CAMKMT: variants seen among roughly 807,000 people sequenced by gnomAD.
CAMKMT encodes the protein calmodulin-lysine N-methyltransferase, also known as CaM KMT.
Under a neutral mutation model 48.0 loss-of-function variants are expected in CAMKMT, and 53 were observed. The observed-to-expected ratio is 1.10, with a 90% CI of 0.89 to 1.39. CAMKMT has a LOEUF of 1.39. Among genes scored for constraint, CAMKMT ranks in the 40% most tolerant of loss-of-function variants. The probability of loss-of-function intolerance (pLI) is 0.00; values close to 1 mark genes in which losing one functional copy is unlikely to be tolerated. For missense variants in CAMKMT, 428 were observed against 402.7 expected, an observed-to-expected ratio of 1.06 and a Z score of -0.54; for synonymous variants, 165 against 152.3, an observed-to-expected ratio of 1.08 and a Z score of -0.61.
At chr2:44,673,955 T>C (rs1675515428) in intron 3 of CAMKMT, among the ~76,000 whole-genome samples, 1 of 152,056 alleles carries the variant, frequency 6.6e-6, no homozygotes, top group South Asian at 2.1e-4. Context: ...CAGTAACTGC[T>C]CTTCATAGCA....
intron 9 of CAMKMT, among the ~76,000 whole-genome samples, chr2:44,757,087 T>C (rs922414307): frequency 1.3e-5 from 2 of 152,242 alleles, no homozygotes; most frequent in Admixed American, 1.3e-4. Flanking sequence ...TATGTATAAA[T>C]CCTTGATCTG....
rs1264730453 is a variant in CAMKMT at position 44,612,649 on chromosome 2, A to C, written c.377-91634A>C. Reference sequence around the variant, plus strand: ...AAGGTCCATGAATAGAAAATGGCTTACTTGCATTTGGACCAGCCCACCAAA... The same window carrying C: ...AAGGTCCATGAATAGAAAATGGCTTCCTTGCATTTGGACCAGCCCACCAAA... On this transcript the variant is annotated intron_variant, in intron 3 of 10. Transcript: ENST00000378494. Among the ~76,000 whole-genome samples, 4 of 152,196 alleles carry C rather than the reference A, an allele frequency of 2.6e-5. No homozygotes were observed. The East Asian group carries it at 5.8e-4, about 22-fold the overall frequency.
intron 3 of CAMKMT, among the ~76,000 whole-genome samples, chr2:44,621,308 T>G (rs548559111): frequency 1.1e-4 from 16 of 148,710 alleles, no homozygotes; most frequent in Admixed American, 2.7e-4. Context: ...ACAACCCATG[T>G]AACAGTTGTT....
At chr2:44,372,664 A>T in intron 1 of CAMKMT, 52 bp from the exon 2 acceptor site, 5 of 1,540,188 alleles carry the variant, frequency 3.2e-6, no homozygotes, top group Non-Finnish European at 3.5e-6. Flanking sequence ...TGAACACTAA[A>T]CTTACTATAT....
chr2:44,511,020 T>C (rs1300351936), intron 3 of CAMKMT, among the ~76,000 whole-genome samples: 1 of 152,152 alleles, frequency 6.6e-6, no homozygotes, highest in African/African-American at 2.4e-5. Flanking sequence ...TTTGTATTTT[T>C]AGTAGAGACG....
At chr2:44,710,618 CT>C (rs141082048) in intron 6 of CAMKMT, among the ~76,000 whole-genome samples, 10 of 149,018 alleles carry the variant, frequency 6.7e-5, no homozygotes, top group Admixed American at 6.7e-5. Flanking sequence ...TGTTCCTTTT[CT>C]TTTTTTTTTG....
rs904085155 is a variant in CAMKMT at position 44,542,060 on chromosome 2, C to T, written c.376+151755C>T. 4.6e-4 allele frequency among the ~76,000 whole-genome samples: 67 copies of T among 144,606 alleles called. 1 individual carries two copies. Among genetic ancestry groups the T allele is most frequent in the African/African-American group, 1.6e-3 (62 of 39,022 alleles). The allele number at this position is 144,606 out of a possible 152,430, so 94.9% of individuals were successfully genotyped here. A position where few individuals can be genotyped will look rare whatever the true frequency, so the allele number is the denominator to read the frequency against. On this transcript the variant is annotated intron_variant, in intron 3 of 10. Coordinates refer to ENST00000378494, the MANE Select transcript of CAMKMT (RefSeq NM_024766.5). ...AGGAGAATCGCTTGAAACCGGGAGGCGGAGGTTGCGGTGAGCCGAGATCGT... is the reference window on the plus strand; with the variant it reads ...AGGAGAATCGCTTGAAACCGGGAGGTGGAGGTTGCGGTGAGCCGAGATCGT...
At chr2:44,581,730 G>T (rs560066854) in intron 3 of CAMKMT, among the ~76,000 whole-genome samples, 1 of 152,362 alleles carries the variant, frequency 6.6e-6, no homozygotes, top group South Asian at 2.1e-4. Context: ...GCCGGGCGTG[G>T]TGGCTCACGC....
chr2:44,768,362 T>TATATATATATATA (rs1491157479), intron 10 of CAMKMT, among the ~76,000 whole-genome samples: 177 of 74,230 alleles, frequency 2.4e-3, no homozygotes, highest in South Asian at 3.0e-3. Context: ...TATATATATA[T>TATATATATATATA]TTTTTTTTTT....
intron 3 of CAMKMT, among the ~76,000 whole-genome samples, chr2:44,611,585 C>T (rs1035071205): frequency 6.6e-6 from 1 of 152,070 alleles, no homozygotes; most frequent in African/African-American, 2.4e-5. Context: ...TTCTGGAACA[C>T]CCACAAAAGG....
chr2:44,635,763 G>A (rs1673095026), intron 3 of CAMKMT, among the ~76,000 whole-genome samples: 1 of 152,144 alleles, frequency 6.6e-6, no homozygotes, highest in South Asian at 2.1e-4. Flanking sequence ...CCTTAGAAGA[G>A]GTTAGCAATC....
intron 3 of CAMKMT, among the ~76,000 whole-genome samples, chr2:44,399,479 G>A (rs1167792251): frequency 2.0e-5 from 3 of 151,832 alleles, no homozygotes; most frequent in Middle Eastern, 3.2e-3. Context: ...AAATTTGTTG[G>A]GGGAGGGGGC....
At chr2:44,572,102 A>G (rs1032654148) in intron 3 of CAMKMT, among the ~76,000 whole-genome samples, 1 of 152,184 alleles carries the variant, frequency 6.6e-6, no homozygotes, top group Non-Finnish European at 1.5e-5. Context: ...GAACTTTTTC[A>G]TCTCCCCAGA....
chr2:44,619,533 C>T (rs1233741347), intron 3 of CAMKMT, among the ~76,000 whole-genome samples: 2 of 151,992 alleles, frequency 1.3e-5, no homozygotes, highest in African/African-American at 4.8e-5. Context: ...TGTTTTGTAA[C>T]AAAGTTCTAC....
intron 3 of CAMKMT, among the ~76,000 whole-genome samples, chr2:44,429,884 A>G (rs1452583997): frequency 2.0e-5 from 3 of 150,932 alleles, no homozygotes. Context: ...ATAATTATGT[A>G]GGGTCTCATT....
At chr2:44,471,309 C>T (rs564925391) in intron 3 of CAMKMT, among the ~76,000 whole-genome samples, 1 of 152,008 alleles carries the variant, frequency 6.6e-6, no homozygotes, top group African/African-American at 2.4e-5. Context: ...TCTTCTCTAG[C>T]TGTTTGCTTT....
chr2:44,421,721 A>G (rs1274366775), intron 3 of CAMKMT, among the ~76,000 whole-genome samples: 2 of 152,210 alleles, frequency 1.3e-5, no homozygotes, highest in East Asian at 1.9e-4. Flanking sequence ...TAAATCAAAA[A>G]CAGAGAAAAC....
chr2:44,727,286 T>C (rs1406535960), intron 7 of CAMKMT, among the ~76,000 whole-genome samples: 3 of 152,234 alleles, frequency 2.0e-5, no homozygotes, highest in Non-Finnish European at 4.4e-5. Context: ...GTGTTGTCTT[T>C]GATTTCTTTC....
chr2:44,537,274 G>T (rs1312657945), intron 3 of CAMKMT, among the ~76,000 whole-genome samples: 1 of 152,148 alleles, frequency 6.6e-6, no homozygotes, highest in Non-Finnish European at 1.5e-5. Flanking sequence ...TCTGACAAGG[G>T]ACTAATATCC....
Sources: allele counts gnomAD v4.1 joint callset (sites outside exome capture counted in the v4.1 genomes callset), GRCh38; gene constraint gnomAD v4.1.1; transcripts MANE v1.5; gene names NCBI Gene and HGNC (gene_info 2026-07-23, HGNC 2026-07-21).